MOB1A: variants seen among roughly 807,000 people sequenced by gnomAD.
MOB1A encodes the protein MOB1 Mps One Binder homolog A.
A neutral mutation model predicts 25.1 loss-of-function variants in MOB1A; 10 were observed. The ratio of observed to expected loss-of-function variants is 0.40; its 90% confidence interval spans 0.25 to 0.68. MOB1A has a LOEUF of 0.68. MOB1A is among the 30% of genes least tolerant of loss of function. The probability of loss-of-function intolerance (pLI) is 0.40; values close to 1 mark genes in which losing one functional copy is unlikely to be tolerated. For synonymous variants in MOB1A, 81 were observed against 79.5 expected (o/e 1.02, Z -0.10); for missense variants, 177 against 256.3 (o/e 0.69, Z 2.11).
Position 74,156,598 on chromosome 2 carries a change from T to A in MOB1A, c.621A>T (p.Leu207Phe), listed in dbSNP as rs1254740854. 6.4e-7 allele frequency: 1 copy of A among 1,555,424 alleles called. No individual in the cohort carries two copies. The highest frequency in any genetic ancestry group is 1.4e-5 in the African/African-American group (1 of 73,518). The change falls in exon 6 of 6, where the codon TTA becomes TTT. Residue 207 changes from leucine to phenylalanine, a missense_variant. By Grantham distance (22) the Leu-to-Phe change is conservative. Coordinates refer to ENST00000396049, the MANE Select transcript of MOB1A (RefSeq NM_018221.5). ...DRRELAPLQE[L>F]IEKLGSKDR ...TGTCTTTTGATCCAAGTTTCTCTAT[T>A]AATTCTTGAAGAGGTGCCAGCTCAC...
chr2:74,159,833 C>G (rs989309166), intron 4 of MOB1A, among the ~76,000 whole-genome samples: 2 of 121,090 alleles, frequency 1.7e-5, no homozygotes, highest in Admixed American at 8.9e-5. Flanking sequence ...CCCCCCACCC[C>G]GGAGACTGAG....
At chr2:74,163,214 T>C (rs563880211) in intron 4 of MOB1A, among the ~76,000 whole-genome samples, 1 of 152,230 alleles carries the variant, frequency 6.6e-6, no homozygotes, top group African/African-American at 2.4e-5. Context: ...AAGAATACAT[T>C]ATCAGAAAGG....
chr2:74,165,374 G>A (rs370037758), intron 3 of MOB1A, 23 bp from the exon 4 acceptor site: 5 of 1,425,476 alleles, frequency 3.5e-6, no homozygotes, highest in Non-Finnish European at 4.7e-6. Flanking sequence ...ATGTTTTACT[G>A]ATAAATTTTT....
intron 4 of MOB1A, among the ~76,000 whole-genome samples, chr2:74,160,843 C>G (rs183137511): frequency 9.9e-5 from 15 of 152,194 alleles, no homozygotes; most frequent in Non-Finnish European, 1.8e-4. Flanking sequence ...CAGGGACAGA[C>G]AGGTCAGGAG....
At chr2:74,160,820 G>A (rs1572955717) in intron 4 of MOB1A, among the ~76,000 whole-genome samples, 1 of 152,052 alleles carries the variant, frequency 6.6e-6, no homozygotes, top group African/African-American at 2.4e-5. Flanking sequence ...CAATATCAAA[G>A]TCCATTAGAA....
chr2:74,176,304 TAAA>T (rs1457254575), intron 1 of MOB1A, among the ~76,000 whole-genome samples: 1 of 88,094 alleles, frequency 1.1e-5, no homozygotes, highest in Non-Finnish European at 2.2e-5. Flanking sequence ...AAAAAGGAGG[TAAA>T]AAAGAATGAT....
intron 5 of MOB1A, among the ~76,000 whole-genome samples, 161 bp from the exon 6 acceptor site, chr2:74,156,806 T>C (rs1692819627): frequency 6.6e-6 from 1 of 151,988 alleles, no homozygotes. Context: ...TCTTTTTCTT[T>C]TTTTTTTCTT....
intron 1 of MOB1A, among the ~76,000 whole-genome samples, chr2:74,177,662 T>C (rs1304527380): frequency 6.7e-6 from 1 of 149,754 alleles, no homozygotes; most frequent in African/African-American, 2.5e-5. Flanking sequence ...ACTCTGGTTA[T>C]AAAAAATAAA....
chr2:74,168,773 C>T (rs1158676721), intron 2 of MOB1A, among the ~76,000 whole-genome samples: 2 of 152,088 alleles, frequency 1.3e-5, no homozygotes, highest in Admixed American at 1.3e-4. Flanking sequence ...ACAAAACTCC[C>T]TCACTTATAA....
chr2:74,173,415 C>T (rs1216665634), intron 1 of MOB1A, among the ~76,000 whole-genome samples: 1 of 123,682 alleles, frequency 8.1e-6, no homozygotes, highest in Non-Finnish European at 1.6e-5. Flanking sequence ...TAGTCTTACT[C>T]TGTCACCCAG....
chr2:74,175,686 T>A (rs999855441), intron 1 of MOB1A, among the ~76,000 whole-genome samples: 2 of 152,154 alleles, frequency 1.3e-5, no homozygotes, highest in Non-Finnish European at 2.9e-5. Flanking sequence ...AGGATTGAAT[T>A]AAAGTATGGT....
chr2:74,158,177 C>A (rs1692854204), intron 5 of MOB1A, among the ~76,000 whole-genome samples: 1 of 100,798 alleles, frequency 9.9e-6, no homozygotes, highest in Admixed American at 1.2e-4. Flanking sequence ...AAGACTCTGT[C>A]TCCAAAAAAA....
intron 1 of MOB1A, among the ~76,000 whole-genome samples, chr2:74,177,594 C>T (rs1271484780): frequency 1.3e-5 from 2 of 151,764 alleles, no homozygotes; most frequent in Non-Finnish European, 2.9e-5. Context: ...CTGAGTAGTG[C>T]TATTTTATAA....
chr2:74,174,064 G>A (rs1476240056), intron 1 of MOB1A, among the ~76,000 whole-genome samples: 3 of 150,004 alleles, frequency 2.0e-5, no homozygotes, highest in Non-Finnish European at 4.4e-5. Flanking sequence ...TCAAGAGATT[G>A]AGACTATCCT....
At chr2:74,174,870 C>A (rs565503791) in intron 1 of MOB1A, among the ~76,000 whole-genome samples, 18 of 152,310 alleles carry the variant, frequency 1.2e-4, no homozygotes, top group African/African-American at 4.1e-4. Flanking sequence ...AGAAGTATGA[C>A]AATCAATGAG....
At chr2:74,174,026 T>C (rs1693380697) in intron 1 of MOB1A, among the ~76,000 whole-genome samples, 1 of 149,912 alleles carries the variant, frequency 6.7e-6, no homozygotes, top group Non-Finnish European at 1.5e-5. Flanking sequence ...CCCAGCACTT[T>C]GGGAGGCCGA....
At chr2:74,167,984 A>T (rs1010183735) in intron 2 of MOB1A, among the ~76,000 whole-genome samples, 38 of 152,096 alleles carry the variant, frequency 2.5e-4, no homozygotes, top group African/African-American at 3.4e-4. Context: ...AAAAATTTTT[A>T]AAAAATTAGC....
At chr2:74,175,533 T>C (rs1693427531) in intron 1 of MOB1A, among the ~76,000 whole-genome samples, 2 of 152,182 alleles carry the variant, frequency 1.3e-5, no homozygotes. Context: ...GAGGGCAATA[T>C]GGTAGTATCT....
intron 2 of MOB1A, among the ~76,000 whole-genome samples, chr2:74,168,128 C>T (rs1693184309): frequency 6.6e-6 from 1 of 152,088 alleles, no homozygotes; most frequent in Admixed American, 6.6e-5. Context: ...GACAGAGACA[C>T]TGTCTCAAAA....
Sources: gnomAD v4.1 joint callset for allele counts (sites outside exome capture counted in the v4.1 genomes callset) on GRCh38, gnomAD v4.1.1 for gene constraint, MANE v1.5 for transcripts, NCBI Gene and HGNC (gene_info 2026-07-23, HGNC 2026-07-21) for gene names.